The following OPHN1 variants were observed in gnomAD, a reference collection of about 807,000 sequenced individuals.
OPHN1 encodes oligophrenin-1.
A neutral mutation model predicts 60.7 loss-of-function variants in OPHN1; 11 were observed. The observed-to-expected ratio is 0.18, with a 90% CI of 0.11 to 0.30. The LOEUF (loss-of-function observed/expected upper bound fraction) is 0.30, where lower values mean the gene tolerates loss of function less well. Ranked by LOEUF, OPHN1 falls within the 10% of genes least tolerant of loss-of-function variation. OPHN1 has a pLI of 1.00. For missense variants in OPHN1, 449 were observed against 611.0 expected (o/e 0.73, Z 2.80); for synonymous variants, 226 against 222.6 (o/e 1.02, Z -0.14).
chrX:68,328,108 C>A (rs1246273774), intron 2 of OPHN1, among the ~76,000 whole-genome samples: 1 of 97,370 alleles, frequency 1.0e-5, no homozygotes. Context: ...GGATTACAGG[C>A]GTGAGCCACC....
At chrX:68,265,074 G>C (rs1237258520) in intron 5 of OPHN1, among the ~76,000 whole-genome samples, 1 of 112,625 alleles carries the variant, frequency 8.9e-6, no homozygotes, top group African/African-American at 3.2e-5. Context: ...AAGGAGGCCT[G>C]CCTGCCTCTG....
intron 15 of OPHN1, 140 bp downstream of exon 15, chrX:68,192,779 G>T (rs1351849800): frequency 5.8e-6 from 3 of 516,769 alleles, no homozygotes; most frequent in Non-Finnish European, 1.0e-5. Flanking sequence ...GGGTGGGCAA[G>T]TATGTGTATG....
intron 17 of OPHN1, 129 bp from the exon 18 acceptor site, chrX:68,112,088 C>CACACACAG (rs1260055050): frequency 2.9e-6 from 1 of 343,798 alleles, no homozygotes; most frequent in Admixed American, 3.9e-5. Flanking sequence ...CACACACACA[C>CACACACAG]AGAGAGAGAT....
intron 2 of OPHN1, among the ~76,000 whole-genome samples, chrX:68,348,514 C>T (rs1220518088): frequency 9.7e-6 from 1 of 103,040 alleles, no homozygotes; most frequent in Non-Finnish European, 1.9e-5. Flanking sequence ...ATATGATATA[C>T]TTAGAAAAGA....
At chrX:68,160,212 C>A (rs1004324985) in intron 15 of OPHN1, among the ~76,000 whole-genome samples, 1 of 110,248 alleles carries the variant, frequency 9.1e-6, no homozygotes, top group African/African-American at 3.3e-5. Flanking sequence ...ATAATAAGGT[C>A]AATCCATCCA....
At chrX:68,432,566 A>AT (rs2078890789) in intron 2 of OPHN1, among the ~76,000 whole-genome samples, 1 of 111,848 alleles carries the variant, frequency 8.9e-6, no homozygotes, top group Non-Finnish European at 1.9e-5. Context: ...AGTACAGCAG[A>AT]TTGTCCCTTA....
intron 9 of OPHN1, among the ~76,000 whole-genome samples, chrX:68,207,465 A>G (rs2077564731): frequency 9.0e-6 from 1 of 111,329 alleles, no homozygotes; most frequent in African/African-American, 3.3e-5. Context: ...TTTATGAAAC[A>G]TATTTTTAAA....
At chrX:68,224,805 T>G (rs2077681539) in intron 6 of OPHN1, among the ~76,000 whole-genome samples, 1 of 112,345 alleles carries the variant, frequency 8.9e-6, no homozygotes, top group Non-Finnish European at 1.9e-5. Context: ...GCTCCCAGTG[T>G]GAGCGACACA....
intron 2 of OPHN1, among the ~76,000 whole-genome samples, chrX:68,425,403 C>G (rs949353510): frequency 6.3e-4 from 71 of 112,138 alleles, no homozygotes; most frequent in African/African-American, 2.1e-3. Context: ...AATAATAAAA[C>G]CAGAAAGAAC....
chrX:68,058,398 A>C, intron 21 of OPHN1, among the ~76,000 whole-genome samples: 1 of 111,292 alleles, frequency 9.0e-6, no homozygotes, highest in Non-Finnish European at 1.9e-5. Context: ...TCCACATTAG[A>C]GGGTCAATCT....
intron 5 of OPHN1, among the ~76,000 whole-genome samples, chrX:68,265,778 G>GA (rs1309302243): frequency 1.8e-5 from 2 of 110,681 alleles, no homozygotes; most frequent in East Asian, 2.8e-4. Flanking sequence ...TAAAAACCTT[G>GA]AAAAAAAATT....
At chrX:68,059,405 G>A (rs967019110) in intron 21 of OPHN1, among the ~76,000 whole-genome samples, 1 of 111,302 alleles carries the variant, frequency 9.0e-6, no homozygotes, top group Non-Finnish European at 1.9e-5. Context: ...GATTCCCCCA[G>A]TCACCTAGAA....
intron 2 of OPHN1, among the ~76,000 whole-genome samples, chrX:68,395,779 TCTTA>T (rs2078680557): frequency 9.0e-6 from 1 of 110,740 alleles, no homozygotes; most frequent in Non-Finnish European, 1.9e-5. Context: ...AGAAATGAGG[TCTTA>T]CTATGTTGTC....
At chrX:68,337,157 C>T (rs913272368) in intron 2 of OPHN1, among the ~76,000 whole-genome samples, 2 of 111,332 alleles carry the variant, frequency 1.8e-5, no homozygotes, top group Non-Finnish European at 3.8e-5. Flanking sequence ...GTTACTATAA[C>T]AAATGCTATA....
chrX:68,383,679 A>G (rs1272825711), intron 2 of OPHN1, among the ~76,000 whole-genome samples: 1 of 109,290 alleles, frequency 9.1e-6, no homozygotes, highest in African/African-American at 3.3e-5. Context: ...GAAAACAAGA[A>G]AAAGTAAATG....
At chrX:68,317,295 G>T (rs1366772901) in intron 2 of OPHN1, among the ~76,000 whole-genome samples, 1 of 87,552 alleles carries the variant, frequency 1.1e-5, no homozygotes, top group Non-Finnish European at 2.2e-5. Flanking sequence ...GTGAAAATCT[G>T]TCTCAAAAAA....
intron 2 of OPHN1, among the ~76,000 whole-genome samples, chrX:68,397,516 A>T (rs866198193): frequency 0.04 from 594 of 14,806 alleles, no homozygotes; most frequent in Middle Eastern, 0.077. Context: ...TCTTTTATTT[A>T]TTTATTTATT....
chrX:68,146,492 C>T (rs995390865), intron 15 of OPHN1, among the ~76,000 whole-genome samples: 25 of 112,328 alleles, frequency 2.2e-4, no homozygotes, highest in Non-Finnish European at 3.8e-4. Flanking sequence ...TGACTTTGTA[C>T]TTTATTTTAT....
intron 5 of OPHN1, among the ~76,000 whole-genome samples, chrX:68,235,445 C>T (rs2077747945): frequency 9.0e-6 from 1 of 110,878 alleles, no homozygotes; most frequent in Admixed American, 9.7e-5. Context: ...AGGGGACACA[C>T]GGATCAAAGA....
Sources: gnomAD v4.1 joint callset for allele counts (sites outside exome capture counted in the v4.1 genomes callset) on GRCh38, gnomAD v4.1.1 for gene constraint, MANE v1.5 for transcripts, NCBI Gene and HGNC (gene_info 2026-07-23, HGNC 2026-07-21) for gene names.